RASSF1: variants seen among roughly 807,000 people sequenced by gnomAD.
The protein encoded by RASSF1 is ras association domain-containing protein 1.
In RASSF1, 33 loss-of-function variants were observed where a neutral mutation model predicts 34.3. The ratio of observed to expected loss-of-function variants is 0.96; its 90% CI spans 0.73 to 1.29. The LOEUF is 1.29. RASSF1 is among the 50% of genes most tolerant of loss of function. The pLI is 0.00. For synonymous variants in RASSF1, 191 were observed against 195.0 expected, an observed-to-expected ratio of 0.98 and a Z score of 0.17; for missense variants, 445 against 471.8, an observed-to-expected ratio of 0.94 and a Z score of 0.53.
chr3:50,331,739 G>C lies in RASSF1; in HGVS notation c.580C>G (p.Arg194Gly). The C allele has an allele frequency of 1.9e-6, 3 of 1,611,682 alleles. No individual in the cohort carries two copies. The East Asian group carries it at 6.7e-5, about 36-fold the overall frequency. Residue 194 changes from arginine to glycine, a missense_variant, in exon 4 of 6, where the codon CGG (arginine) becomes GGG (glycine). Coordinates refer to ENST00000359365, the MANE Select transcript of RASSF1 (RefSeq NM_007182.5). ...SLQDARRGPG[R>G]GTSVRRRTSF... Reference sequence around the variant, plus strand: ...GTGCGGCGCCTGACACTTGTGCCCCGTCCTGGGCCCCGCCGGGCATCCTGC... The same window carrying C: ...GTGCGGCGCCTGACACTTGTGCCCCCTCCTGGGCCCCGCCGGGCATCCTGC...
Position 50,337,907 on chromosome 3 carries a change from C to A in RASSF1, c.355G>T (p.Val119Leu). 6.2e-7 allele frequency: 1 copy of A among 1,603,212 alleles called. No individual in the cohort carries two copies. The highest frequency in any genetic ancestry group is 8.5e-7 in the Non-Finnish European group (1 of 1,171,046). ...WEPAVERDTN[V>L]DEPVEWETPD... ...TACGCCCTCGGCCCCGCGCTCACCA[C>A]GTTCGTGTCCCGCTCCACCGCGGGT... Residue 119 changes from valine (V) to leucine (L), a missense_variant and splice_region_variant, in exon 2 of 6, where the codon GTG becomes TTG. Coordinates refer to ENST00000359365, the MANE Select transcript of RASSF1 (RefSeq NM_007182.5).
chr3:50,335,667 G>GT (rs1703110362), intron 2 of RASSF1, among the ~76,000 whole-genome samples: 1 of 152,056 alleles, frequency 6.6e-6, no homozygotes, highest in South Asian at 2.1e-4. Flanking sequence ...CCAGGTTGGA[G>GT]TGCAGTGGCA....
chr3:50,340,835 T>G lies in RASSF1; in HGVS notation c.-30A>C, dbSNP rs1703341045. 6.9e-7 allele frequency: 1 copy of G among 1,448,844 alleles called. No homozygotes were observed. Among genetic ancestry groups the G allele is most frequent in the African/African-American group, 1.5e-5 (1 of 66,550 alleles). The allele number at this position is 1,448,844 out of a possible 1,614,324, so 89.7% of individuals were successfully genotyped here. A position where few individuals can be genotyped will look rare whatever the true frequency, so the allele number is the denominator to read the frequency against. ...CGGTTGGGCCCGTGCTTCGCTGGCT[T>G]TGGGCGCTAGCAAGCGCGGGCCGGG... On this transcript the variant is annotated 5_prime_UTR_variant, in exon 1 of 6. Transcript: ENST00000359365.
intron 2 of RASSF1, chr3:50,337,635 C>T (rs79536844): frequency 0.1 from 101,879 of 1,008,692 alleles, 5,677 homozygotes; most frequent in Middle Eastern, 0.11. Flanking sequence ...GGCCTCTGGC[C>T]GGAGGCGAGG....
At chr3:50,338,221 T>C in intron 1 of RASSF1, 1 of 1,393,172 alleles carries the variant, frequency 7.2e-7, no homozygotes, top group Non-Finnish European at 9.3e-7. Context: ...CAGAGAGGCC[T>C]GCTCAACAGT....
Position 50,332,138 on chromosome 3 carries a change from C to T in RASSF1, c.374G>A (p.Trp125Ter). ...RDTNVDEPVE[W>*]ETPDLSQAEI... ...AGCTTGAGAAAGGTCAGGTGTCTCC[C>T]ACTCCACAGGCTCGTCCTGCAAGAT... The change falls in exon 3 of 6, where the codon TGG becomes TAG. Residue 125 changes from tryptophan (W) to a stop codon, truncating the protein, a stop_gained. Transcript: ENST00000359365. LOFTEE classifies it high-confidence loss of function. 6.2e-7 allele frequency: 1 copy of T among 1,614,196 alleles called. No homozygotes were observed. The highest frequency in any genetic ancestry group is 1.1e-5 in the South Asian group (1 of 91,070).
intron 2 of RASSF1, among the ~76,000 whole-genome samples, chr3:50,333,014 A>G (rs1371809064): frequency 1.3e-5 from 2 of 152,138 alleles, no homozygotes; most frequent in Non-Finnish European, 2.9e-5. Context: ...GAATTGCTCA[A>G]ACTCGGGAGG....
chr3:50,333,911 C>T (rs992761319), intron 2 of RASSF1, among the ~76,000 whole-genome samples: 3 of 152,230 alleles, frequency 2.0e-5, no homozygotes, highest in African/African-American at 7.2e-5. Context: ...CTTGGCCCCA[C>T]TGCATCAGCC....
Position 50,330,336 on chromosome 3 carries a change from C to A in RASSF1, c.*245G>T. 1 of 477,898 alleles carries A rather than the reference C, an allele frequency of 2.1e-6. No individual in the cohort carries two copies. The highest frequency in any genetic ancestry group is 3.7e-6 in the Non-Finnish European group (1 of 270,802). The allele number at this position is 477,898 out of a possible 1,614,324, so 29.6% of individuals were successfully genotyped here. On this transcript the variant is annotated 3_prime_UTR_variant, in exon 6 of 6. Transcript: ENST00000359365. This position sits in a 1 kb window ranked among gnomAD's most constrained non-coding sequence, Gnocchi z 4.5. ...CACTCCTGCTGCAGGCCTGGAGCAG[C>A]TTCTCAGGGCAGCCCTGGCCCACTA...
intron 1 of RASSF1, 106 bp downstream of exon 1, chr3:50,340,450 G>C (rs1052735844): frequency 1.5e-6 from 2 of 1,339,830 alleles, no homozygotes; most frequent in African/African-American, 3.1e-5. Flanking sequence ...CCTAGTCCTC[G>C]GGAGCTGTCC....
intron 5 of RASSF1, among the ~76,000 whole-genome samples, 158 bp downstream of exon 5, chr3:50,331,176 G>A (rs1702920560): frequency 6.6e-6 from 1 of 152,148 alleles, no homozygotes; most frequent in African/African-American, 2.4e-5. Context: ...TGGCATGAGT[G>A]GTCTGGAAGC....
Position 50,331,833 on chromosome 3 carries a change from G to C in RASSF1, c.486C>G (p.Gly162=). 1 of 1,578,810 alleles carries C rather than the reference G, an allele frequency of 6.3e-7. No homozygotes were observed. Among genetic ancestry groups the C allele is most frequent in the Middle Eastern group, 1.7e-4 (1 of 5,884 alleles). Residue 162 remains glycine (G), a synonymous_variant, in exon 4 of 6, where the codon GGC becomes GGG. Coordinates refer to ENST00000359365, the MANE Select transcript of RASSF1 (RefSeq NM_007182.5). ...MSLNKDGSYT[G]FIKVQLKLVR... ...CCAGCTTCAGCTGAACCTTGATGAAGCCTGTGTAAGAACCGTCCTTGTTCT... is the reference window on the plus strand; with the variant it reads ...CCAGCTTCAGCTGAACCTTGATGAACCCTGTGTAAGAACCGTCCTTGTTCT...
chr3:50,336,516 A>G (rs1703142038), intron 2 of RASSF1: 1 of 152,260 alleles, frequency 6.6e-6, no homozygotes, highest in African/African-American at 2.4e-5. Context: ...TTTATAATCT[A>G]GCTTTCCCCC....
chr3:50,340,006 C>T (rs587772318), intron 1 of RASSF1, among the ~76,000 whole-genome samples: 5 of 152,290 alleles, frequency 3.3e-5, no homozygotes, highest in Admixed American at 1.3e-4. Context: ...TGCTTGCTGG[C>T]GATTCCCAGG....
chr3:50,337,334 GT>G (rs1299889731), intron 2 of RASSF1: 1 of 1,608,874 alleles, frequency 6.2e-7, no homozygotes, highest in Non-Finnish European at 8.5e-7. Flanking sequence ...GTACCCGCCC[GT>G]CCCCCAGTCC....
At chr3:50,337,771 T>C in intron 2 of RASSF1, 134 bp downstream of exon 2, 1 of 1,012,996 alleles carries the variant, frequency 9.9e-7, no homozygotes, top group Non-Finnish European at 1.4e-6. Flanking sequence ...CGCGCAGAAT[T>C]AGCCTCTCTG....
At chr3:50,335,756 C>A (rs587712495) in intron 2 of RASSF1, among the ~76,000 whole-genome samples, 1 of 151,744 alleles carries the variant, frequency 6.6e-6, no homozygotes, top group East Asian at 1.9e-4. Flanking sequence ...CAGTCACACA[C>A]CACCATGCCC....
chr3:50,330,466 G>T lies in RASSF1; in HGVS notation c.*115C>A. 1 of 1,416,836 alleles carries T rather than the reference G, an allele frequency of 7.1e-7. No individual in the cohort carries two copies. Among genetic ancestry groups the T allele is most frequent in the Admixed American group, 1.9e-5 (1 of 53,120 alleles). The allele number at this position is 1,416,836 out of a possible 1,614,324, so 87.8% of individuals were successfully genotyped here. On this transcript the variant is annotated 3_prime_UTR_variant, in exon 6 of 6. Coordinates refer to ENST00000359365, the MANE Select transcript of RASSF1 (RefSeq NM_007182.5). The surrounding 1 kb of genome is among the most constrained non-coding windows in gnomAD (Gnocchi z 4.5). The stretch of plus-strand genomic sequence containing the variant: ...GCTGTTCTCTGGGCTCATTCCCCCA[G>T]CACAGGAGGGCCTCCATGCACACTC...
chr3:50,336,521 TC>T (rs771193476), intron 2 of RASSF1: 15 of 152,356 alleles, frequency 9.8e-5, no homozygotes, highest in Non-Finnish European at 1.6e-4. Context: ...AATCTAGCTT[TC>T]CCCCTTCCTG....
Sources: allele counts gnomAD v4.1 joint callset (sites outside exome capture counted in the v4.1 genomes callset), GRCh38; gene constraint gnomAD v4.1.1; non-coding constraint Gnocchi (gnomAD v3.1); transcripts MANE v1.5; gene names NCBI Gene and HGNC (gene_info 2026-07-23, HGNC 2026-07-21).